PRRT3: variants seen among roughly 807,000 people sequenced by gnomAD.
PRRT3 encodes proline-rich transmembrane protein 3.
A neutral mutation model predicts 56.6 loss-of-function variants in PRRT3; 48 were observed. The ratio of observed to expected loss-of-function variants is 0.85; its 90% CI spans 0.67 to 1.08. The LOEUF is 1.08. PRRT3 is among the 50% of genes least tolerant of loss of function. The pLI, the probability that PRRT3 is intolerant of heterozygous loss-of-function variation, is 0.00. For missense variants in PRRT3, 1,370 were observed against 1,353.1 expected (o/e 1.01, Z -0.20); for synonymous variants, 641 against 619.1 (o/e 1.04, Z -0.52).
chr3:9,949,192 C>G lies in PRRT3; in HGVS notation c.924G>C (p.Lys308Asn). Reference sequence around the variant, plus strand: ...CCTTAGCGTCAGGAAGGTCAGCCTGCTTGGGCGGGGGACCTGGGGAGCTGA... The same window carrying G: ...CCTTAGCGTCAGGAAGGTCAGCCTGGTTGGGCGGGGGACCTGGGGAGCTGA... ...WEVSSPGPPPKQADLPDAKDS... is the reference protein window; with the variant it reads ...WEVSSPGPPPNQADLPDAKDS... The change falls in exon 2 of 4, where the codon AAG (lysine) becomes AAC (asparagine). Residue 308 changes from lysine (K) to asparagine (N), a missense_variant. Transcript: ENST00000412055. This position sits in a 1 kb window ranked among gnomAD's most constrained non-coding sequence, Gnocchi z 4.5. 2.5e-6 allele frequency: 4 copies of G among 1,611,448 alleles called. No individual in the cohort carries two copies. Among genetic ancestry groups the G allele is most frequent in the Non-Finnish European group, 3.4e-6 (4 of 1,179,006 alleles).
chr3:9,949,495 T>A lies in PRRT3; in HGVS notation c.621A>T (p.Pro207=), dbSNP rs368703712. ...CTGAGTGGGAAACAAGGGTGTGGGGTGGGCCCTGGTGGTCTGAGGGAGAAG... is the reference window on the plus strand; with the variant it reads ...CTGAGTGGGAAACAAGGGTGTGGGGAGGGCCCTGGTGGTCTGAGGGAGAAG... ...PPTSPSDHQG[P]PHTLVSHSGT... Residue 207 remains proline, a synonymous_variant, in exon 2 of 4, where the codon CCA becomes CCT. Transcript: ENST00000412055. This position sits in a 1 kb window ranked among gnomAD's most constrained non-coding sequence, Gnocchi z 4.5. 1.2e-5 allele frequency: 19 copies of A among 1,613,686 alleles called. No individual in the cohort carries two copies. The highest frequency in any genetic ancestry group is 1.5e-5 in the Non-Finnish European group (18 of 1,179,960).
At position 9,949,795 on chromosome 3, in the gene PRRT3, T is replaced by C. The variant is rs1326256700; in HGVS notation, c.321A>G (p.Arg107=). The C allele has an allele frequency of 6.2e-7, 1 of 1,614,140 alleles. No homozygotes were observed. The highest frequency in any genetic ancestry group is 1.7e-5 in the Admixed American group (1 of 60,026). ...GGTCATCAGTTACTGGGAGTCGTTC[T>C]CTCTGAGCTCCTTGTGCTGCTTTGG... ...YGPKAAQGAQ[R]ERLPVTDDLQ... The change falls in exon 2 of 4, where the codon AGA becomes AGG. Residue 107 remains arginine, a synonymous_variant. Coordinates refer to ENST00000412055, the MANE Select transcript of PRRT3 (RefSeq NM_207351.5). The surrounding 1 kb of genome is among the most constrained non-coding windows in gnomAD (Gnocchi z 4.5).
Position 9,946,835 on chromosome 3 carries a change from G to C in PRRT3, c.2338C>G (p.Arg780Gly). 2 of 1,540,430 alleles carry C rather than the reference G, an allele frequency of 1.3e-6. No individual in the cohort carries two copies. Among genetic ancestry groups the C allele is most frequent in the Non-Finnish European group, 1.7e-6 (2 of 1,149,338 alleles). The change falls in exon 4 of 4, where the codon CGC becomes GGC. Residue 780 changes from arginine (R) to glycine (G), a missense_variant. By Grantham distance (125) the Arg-to-Gly change is moderately radical. Transcript: ENST00000412055. The surrounding 1 kb of genome is among the most constrained non-coding windows in gnomAD (Gnocchi z 4.1). ...GAWGSAASLG[R>G]GPQGGPGLSR... Reference sequence around the variant, plus strand: ...AGTCCCGGGCCACCCTGGGGTCCGCGACCCAACGACGCAGCCGAGCCCCAG... The same window carrying C: ...AGTCCCGGGCCACCCTGGGGTCCGCCACCCAACGACGCAGCCGAGCCCCAG...
Position 9,948,912 on chromosome 3 carries a change from C to T in PRRT3, c.1017G>A (p.Glu339=), listed in dbSNP as rs899211015. The T allele has an allele frequency of 1.9e-6, 3 of 1,569,140 alleles. No individual in the cohort carries two copies. Among genetic ancestry groups the T allele is most frequent in the South Asian group, 1.2e-5 (1 of 86,644 alleles). ...GGTCTGCTCCATTCATTGCTGCTCT[C>T]TCTGAAATGACAAAGCAGTCATCAC... ...SEAPDRPSKP[E]RAAMNGADPI... The change falls in exon 3 of 4, where the codon GAG becomes GAA. Residue 339 remains glutamate, a splice_region_variant and synonymous_variant. Transcript: ENST00000412055.
rs1469944016 is a variant in PRRT3 at position 9,947,346 on chromosome 3, G to A, written c.1827C>T (p.Gly609=). Residue 609 remains glycine (G), a synonymous_variant, in exon 4 of 4, where the codon GGC becomes GGT. Coordinates refer to ENST00000412055, the MANE Select transcript of PRRT3 (RefSeq NM_207351.5). This position sits in a 1 kb window ranked among gnomAD's most constrained non-coding sequence, Gnocchi z 9.2. ...AGAGCGTGCCCAGAGCCACGGCCGC[G>A]CCCCAGGCGCACGACAAGCCCTGCG... ...LLTQGLSCAW[G]AAVALGTLCL... 1 of 1,609,754 alleles carries A rather than the reference G, an allele frequency of 6.2e-7. No individual in the cohort carries two copies. Among genetic ancestry groups the A allele is most frequent in the South Asian group, 1.1e-5 (1 of 90,924 alleles).
In PRRT3 at chr3:9,948,823, G is replaced by A. The variant is rs772318958; in HGVS notation, c.1106C>T (p.Pro369Leu). The A allele has an allele frequency of 1.9e-5, 31 of 1,613,516 alleles. No homozygotes were observed. In the Admixed American group the frequency reaches 2.8e-4, roughly 15 times the overall value. ...AGCTGGGCCAGGGTCTGAGGGACCA[G>A]GGATGAGAGACTTGGGGGTGCCTGG... ...EAPGTPKSLI[P>L]GPSDPGPAVN... Residue 369 changes from proline (P) to leucine (L), a missense_variant, in exon 3 of 4, where the codon CCT becomes CTT. Pro to Leu is a moderately conservative substitution (Grantham distance 98). Transcript: ENST00000412055.
chr3:9,948,939 T>TGCTTTG (rs2085574033), intron 2 of PRRT3, 26 bp from the exon 3 acceptor site: 1 of 1,545,154 alleles, frequency 6.5e-7, no homozygotes, highest in African/African-American at 1.4e-5. Flanking sequence ...AGTCATCACC[T>TGCTTTG]TACCTGACCC....
chr3:9,948,697 C>T, intron 3 of PRRT3, 61 bp downstream of exon 3: 2 of 1,598,654 alleles, frequency 1.3e-6, no homozygotes, highest in Non-Finnish European at 1.7e-6. Flanking sequence ...ACATCCCCAA[C>T]AGAGGTTCTC....
Position 9,946,833 on chromosome 3 carries a change from G to A in PRRT3, c.2340C>T (p.Arg780=), listed in dbSNP as rs1374415391. 1.9e-6 allele frequency: 3 copies of A among 1,540,650 alleles called. No homozygotes were observed. Among genetic ancestry groups the A allele is most frequent in the Non-Finnish European group, 2.6e-6 (3 of 1,149,548 alleles). The change falls in exon 4 of 4, where the codon CGC becomes CGT. Residue 780 remains arginine (R), a synonymous_variant. Coordinates refer to ENST00000412055, the MANE Select transcript of PRRT3 (RefSeq NM_207351.5). The surrounding 1 kb of genome is among the most constrained non-coding windows in gnomAD (Gnocchi z 4.1). ...GAWGSAASLG[R]GPQGGPGLSR... ...ACAGTCCCGGGCCACCCTGGGGTCC[G>A]CGACCCAACGACGCAGCCGAGCCCC...
chr3:9,949,016 T>A lies in PRRT3; in HGVS notation c.1015+85A>T. The A allele has an allele frequency of 2.0e-6, 3 of 1,516,296 alleles. No homozygotes were observed. The highest frequency in any genetic ancestry group is 1.4e-5 in the African/African-American group (1 of 71,774). The allele number at this position is 1,516,296 out of a possible 1,614,324, so 93.9% of individuals were successfully genotyped here. On this transcript the variant is annotated intron_variant, in intron 2 of 3. Transcript: ENST00000412055. The surrounding 1 kb of genome is among the most constrained non-coding windows in gnomAD (Gnocchi z 4.5). ...ACCTCATTTGCCACAAAGAGGAAAA[T>A]GAGACCTAGAGGGACCCAGGGTCAA...
At position 9,949,085 on chromosome 3, in the gene PRRT3, A is replaced by G. The variant is rs1414738093; in HGVS notation, c.1015+16T>C. On this transcript the variant is annotated intron_variant, in intron 2 of 3. Transcript: ENST00000412055. The surrounding 1 kb of genome is among the most constrained non-coding windows in gnomAD (Gnocchi z 4.5). Reference sequence around the variant, plus strand: ...GCTGCCCCAGAACATCGCTCAGCACACTCATTGATACCCACCTGGCTTAGA... The same window carrying G: ...GCTGCCCCAGAACATCGCTCAGCACGCTCATTGATACCCACCTGGCTTAGA... 1.9e-6 allele frequency: 3 copies of G among 1,579,946 alleles called. No individual in the cohort carries two copies. Among genetic ancestry groups the G allele is most frequent in the African/African-American group, 1.4e-5 (1 of 73,376 alleles).
In PRRT3 at chr3:9,947,599, G is replaced by A; in HGVS notation, c.1574C>T (p.Pro525Leu). 1.9e-6 allele frequency: 3 copies of A among 1,602,092 alleles called. No individual in the cohort carries two copies. The highest frequency in any genetic ancestry group is 2.6e-6 in the Non-Finnish European group (3 of 1,174,392). ...ALRSAYMLTD[P>L]YGSQARLGVR... The stretch of plus-strand genomic sequence containing the variant: ...GCCCAGCCGCGCCTGCGAGCCGTAA[G>A]GGTCGGTAAGCATGTAGGCGGATCG... Residue 525 changes from proline to leucine, a missense_variant, in exon 4 of 4, where the codon CCT becomes CTT. Pro to Leu is a moderately conservative substitution (Grantham distance 98, BLOSUM62 -3). Transcript: ENST00000412055. The surrounding 1 kb of genome is among the most constrained non-coding windows in gnomAD (Gnocchi z 9.2).
chr3:9,950,756 GCCT>G (rs2085609343), intron 1 of PRRT3, among the ~76,000 whole-genome samples: 1 of 152,204 alleles, frequency 6.6e-6, no homozygotes, highest in Non-Finnish European at 1.5e-5. Context: ...GCCCATCTTG[GCCT>G]CCTAAAGTGC....
chr3:9,946,258 C>G lies in PRRT3; in HGVS notation c.2915G>C (p.Arg972Pro). Residue 972 changes from arginine (R) to proline (P), a missense_variant, in exon 4 of 4, where the codon CGC becomes CCC. By Grantham distance (103) the Arg-to-Pro change is moderately radical (BLOSUM62 -2). Transcript: ENST00000412055. The surrounding 1 kb of genome is among the most constrained non-coding windows in gnomAD (Gnocchi z 4.1). Reference sequence around the variant, plus strand: ...CTCGATGGTATCACTGGAGGCGCTGCGGGATTCCCCAGGCTTGCCGCGCGG... The same window carrying G: ...CTCGATGGTATCACTGGAGGCGCTGGGGGATTCCCCAGGCTTGCCGCGCGG... The part of the protein sequence containing the change: ...VQPRGKPGES[R>P]SASSDTIEL The G allele has an allele frequency of 1.2e-6, 2 of 1,612,726 alleles. No homozygotes were observed. Among genetic ancestry groups the G allele is most frequent in the Non-Finnish European group, 1.7e-6 (2 of 1,179,814 alleles).
rs2085516133 is a variant in PRRT3 at position 9,946,287 on chromosome 3, G to A, written c.2886C>T (p.Val962=). ...AARQGDGQGE[V]QPRGKPGESR... is the part of the protein sequence containing the mutation. ...ATTCCCCAGGCTTGCCGCGCGGCTG[G>A]ACCTCTCCCTGGCCGTCCCCCTGCC... is the stretch of plus-strand genomic sequence containing the variant. Residue 962 remains valine, a synonymous_variant, in exon 4 of 4, where the codon GTC becomes GTT. Coordinates refer to ENST00000412055, the MANE Select transcript of PRRT3 (RefSeq NM_207351.5). This position sits in a 1 kb window ranked among gnomAD's most constrained non-coding sequence, Gnocchi z 4.1. The A allele has an allele frequency of 1.9e-6, 3 of 1,612,606 alleles. No homozygotes were observed. Among genetic ancestry groups the A allele is most frequent in the African/African-American group, 2.7e-5 (2 of 74,918 alleles).
At position 9,949,831 on chromosome 3, in the gene PRRT3, G is replaced by A; in HGVS notation, c.285C>T (p.Ala95=). ...CTTGTGCTGCTTTGGGCCCGTACAG[G>A]GCTGGGCCAAGGGGAGAGGCTACAG... is the stretch of plus-strand genomic sequence containing the variant. ...EKPVASPLGP[A]LYGPKAAQGA... is the part of the protein sequence containing the mutation. Residue 95 remains alanine, a synonymous_variant, in exon 2 of 4, where the codon GCC becomes GCT. Coordinates refer to ENST00000412055, the MANE Select transcript of PRRT3 (RefSeq NM_207351.5). This position sits in a 1 kb window ranked among gnomAD's most constrained non-coding sequence, Gnocchi z 4.5. The A allele has an allele frequency of 6.2e-7, 1 of 1,614,062 alleles. No homozygotes were observed. Among genetic ancestry groups the A allele is most frequent in the Non-Finnish European group, 8.5e-7 (1 of 1,179,968 alleles).
rs1357971745 is a variant in PRRT3 at position 9,947,623 on chromosome 3, C to G, written c.1550G>C (p.Arg517Pro). 6.3e-7 allele frequency: 1 copy of G among 1,583,872 alleles called. No individual in the cohort carries two copies. Among genetic ancestry groups the G allele is most frequent in the Non-Finnish European group, 8.6e-7 (1 of 1,164,716 alleles). The change falls in exon 4 of 4, where the codon CGA becomes CCA. Residue 517 changes from arginine to proline, a missense_variant. Physicochemically the swap from Arg to Pro is moderately radical, Grantham distance 103. Transcript: ENST00000412055. The surrounding 1 kb of genome is among the most constrained non-coding windows in gnomAD (Gnocchi z 9.2). ...AGGGTCGGTAAGCATGTAGGCGGAT[C>G]GCAGCGCCGAAGCCACGAGCACCAG... ...AVLVLVASAL[R>P]SAYMLTDPYG...
chr3:9,946,386 C>G lies in PRRT3; in HGVS notation c.2787G>C (p.Leu929=). 3.1e-6 allele frequency: 5 copies of G among 1,608,034 alleles called. No individual in the cohort carries two copies. Among genetic ancestry groups the G allele is most frequent in the Non-Finnish European group, 4.2e-6 (5 of 1,176,560 alleles). Residue 929 remains leucine, a synonymous_variant, in exon 4 of 4, where the codon CTG becomes CTC. Coordinates refer to ENST00000412055, the MANE Select transcript of PRRT3 (RefSeq NM_207351.5). This position sits in a 1 kb window ranked among gnomAD's most constrained non-coding sequence, Gnocchi z 4.1. ...WRHGLSSVDS[L]PLDELPSTVQ... ...CCGTGCTGGGCAACTCATCTAGGGG[C>G]AGACTGTCCACTGATGACAGCCCGT...
At chr3:9,952,202 A>C (rs1434879267) in intron 1 of PRRT3, 120 bp downstream of exon 1, 6 of 153,690 alleles carry the variant, frequency 3.9e-5, no homozygotes, top group Non-Finnish European at 8.6e-5. Flanking sequence ...GCCTTCCCGC[A>C]GTGTCCTGGA....
Sources: allele counts gnomAD v4.1 joint callset (sites outside exome capture counted in the v4.1 genomes callset), GRCh38; gene constraint gnomAD v4.1.1; non-coding constraint Gnocchi (gnomAD v3.1); transcripts MANE v1.5; gene names NCBI Gene and HGNC (gene_info 2026-07-23, HGNC 2026-07-21).